XRCC6: variants seen among roughly 807,000 people sequenced by gnomAD.
XRCC6 encodes the protein DNA repair protein Ku70.
A neutral mutation model predicts 65.7 loss-of-function variants in XRCC6; 5 were observed. The observed-to-expected ratio is 0.08, with a 90% CI of 0.04 to 0.16. XRCC6 has a LOEUF of 0.16. XRCC6 is among the 10% of genes least tolerant of loss of function. XRCC6 has a pLI of 1.00. For missense variants in XRCC6, 447 were observed against 738.1 expected, an observed-to-expected ratio of 0.61 and a Z score of 4.57; for synonymous variants, 270 against 270.6, an observed-to-expected ratio of 1.00 and a Z score of 0.02.
intron 3 of XRCC6, among the ~76,000 whole-genome samples, chr22:41,632,455 A>G (rs1448507518): frequency 6.6e-6 from 1 of 151,978 alleles, no homozygotes; most frequent in African/African-American, 2.4e-5. Context: ...TACTCAAAAT[A>G]CAAAAATTAG....
intron 6 of XRCC6, among the ~76,000 whole-genome samples, chr22:41,638,932 T>A (rs1419829425): frequency 9.9e-5 from 15 of 152,202 alleles, no homozygotes; most frequent in Non-Finnish European, 2.1e-4. Context: ...TACTTTTATA[T>A]AACTGGCAGC....
chr22:41,663,254 A>G (rs2068115864), intron 12 of XRCC6, among the ~76,000 whole-genome samples: 1 of 152,112 alleles, frequency 6.6e-6, no homozygotes, highest in Non-Finnish European at 1.5e-5. Context: ...GCAGGTGCAC[A>G]CCACCATGGC....
intron 2 of XRCC6, among the ~76,000 whole-genome samples, chr22:41,622,615 CCT>C (rs1193174477): frequency 6.6e-6 from 1 of 152,014 alleles, no homozygotes; most frequent in Non-Finnish European, 1.5e-5. Context: ...TAATTTAACT[CCT>C]GAGCAGAAAA....
rs764989290 is a variant in XRCC6, at chr22:41,663,844, C to G, written c.*29C>G. ...GAGGCCGCGCGTCCAGCTGCCCTTC[C>G]GCAGTGTGGCCAGGCTGCCTGGCCT... is the stretch of plus-strand genomic sequence containing the variant. On this transcript the variant is annotated 3_prime_UTR_variant, in exon 13 of 13. Coordinates refer to ENST00000360079, the MANE Select transcript of XRCC6 (RefSeq NM_001469.5). The G allele has an allele frequency of 6.2e-7, 1 of 1,600,052 alleles. No individual in the cohort carries two copies. The highest frequency in any genetic ancestry group is 1.7e-5 in the Admixed American group (1 of 59,472).
intron 8 of XRCC6, among the ~76,000 whole-genome samples, chr22:41,651,461 A>G (rs111496683): frequency 0.071 from 8,932 of 125,508 alleles, 980 homozygotes; most frequent in African/African-American, 0.25. Context: ...GTGCAGTTTC[A>G]GCTCACTGCA....
At chr22:41,645,300 TA>T (rs993256489) in intron 6 of XRCC6, among the ~76,000 whole-genome samples, 36 of 136,872 alleles carry the variant, frequency 2.6e-4, no homozygotes, top group Middle Eastern at 3.6e-3. Flanking sequence ...ACTCCATCTT[TA>T]AAAAAAAAAA....
intron 8 of XRCC6, among the ~76,000 whole-genome samples, chr22:41,651,451 G>A (rs2067995761): frequency 8.7e-6 from 1 of 115,026 alleles, no homozygotes; most frequent in South Asian, 3.2e-4. Flanking sequence ...GAGTGCAGTG[G>A]TGCAGTTTCA....
At chr22:41,641,076 C>T (rs2067870302) in intron 6 of XRCC6, among the ~76,000 whole-genome samples, 1 of 151,978 alleles carries the variant, frequency 6.6e-6, no homozygotes, top group South Asian at 2.1e-4. Flanking sequence ...CCCTGTCTCT[C>T]TTTATTAAAA....
At chr22:41,657,385 TTAAG>T (rs1238857753) in intron 10 of XRCC6, among the ~76,000 whole-genome samples, 3 of 151,962 alleles carry the variant, frequency 2.0e-5, no homozygotes, top group African/African-American at 7.2e-5. Flanking sequence ...AAAAGAATGA[TTAAG>T]TAATTCAAGT....
chr22:41,638,687 A>G (rs2147087070), intron 6 of XRCC6, among the ~76,000 whole-genome samples: 1 of 148,364 alleles, frequency 6.7e-6, no homozygotes, highest in Non-Finnish European at 1.5e-5. Flanking sequence ...CAGGAGGCTG[A>G]GAATCGCTTG....
chr22:41,622,872 G>C (rs2147059419), intron 2 of XRCC6, among the ~76,000 whole-genome samples: 1 of 151,956 alleles, frequency 6.6e-6, no homozygotes, highest in South Asian at 2.1e-4. Flanking sequence ...GCGAACCTGG[G>C]AGGTGGAGCT....
chr22:41,652,632 C>T (rs931578319), intron 8 of XRCC6, among the ~76,000 whole-genome samples: 6 of 152,100 alleles, frequency 3.9e-5, no homozygotes, highest in African/African-American at 1.4e-4. Flanking sequence ...TCCCAGAGTG[C>T]TAGGACTGTA....
intron 8 of XRCC6, among the ~76,000 whole-genome samples, chr22:41,651,641 C>T (rs2067998685): frequency 1.3e-5 from 2 of 151,404 alleles, no homozygotes; most frequent in Admixed American, 6.6e-5. Flanking sequence ...GATTCTCCTT[C>T]CTCAGCCTCT....
intron 3 of XRCC6, among the ~76,000 whole-genome samples, chr22:41,631,618 G>A (rs2067752635): frequency 7.6e-6 from 1 of 131,446 alleles, no homozygotes; most frequent in African/African-American, 3.1e-5. Context: ...ATGGCGGCTG[G>A]GCAGAGACGC....
At chr22:41,632,445 T>C (rs2067765634) in intron 3 of XRCC6, among the ~76,000 whole-genome samples, 1 of 151,852 alleles carries the variant, frequency 6.6e-6, no homozygotes, top group Non-Finnish European at 1.5e-5. Flanking sequence ...ATTCTGTCTC[T>C]ACTCAAAATA....
chr22:41,635,008 A>T (rs2067794928), intron 3 of XRCC6, among the ~76,000 whole-genome samples: 1 of 152,224 alleles, frequency 6.6e-6, no homozygotes, highest in South Asian at 2.1e-4. Context: ...TTTTCAGGTC[A>T]CATGTACTTA....
In XRCC6 at chr22:41,636,576, A is replaced by C; in HGVS notation, c.395A>C (p.Gln132Pro). ...FKGQQGQKRF[Q>P]DMMGHGSDYS... is the part of the protein sequence containing the mutation. Reference sequence around the variant, plus strand: ...GGGCAGCAGGGACAAAAACGTTTCCAAGACATGATGGGCCACGGATCTGAC... The same window carrying C: ...GGGCAGCAGGGACAAAAACGTTTCCCAGACATGATGGGCCACGGATCTGAC... Residue 132 changes from glutamine (Q) to proline (P), a missense_variant, in exon 5 of 13, where the codon CAA becomes CCA. By Grantham distance (76) the Gln-to-Pro change is moderately conservative. Transcript: ENST00000360079. 2 of 1,613,986 alleles carry C rather than the reference A, an allele frequency of 1.2e-6. No homozygotes were observed. Among genetic ancestry groups the C allele is most frequent in the Non-Finnish European group, 1.7e-6 (2 of 1,179,904 alleles).
At chr22:41,649,115 G>A in intron 7 of XRCC6, among the ~76,000 whole-genome samples, 1 of 112,824 alleles carries the variant, frequency 8.9e-6, no homozygotes, top group Admixed American at 1.2e-4. Flanking sequence ...CACAGCCTGG[G>A]GAAGAGAGTA....
chr22:41,651,361 A>ATTTTTTTTTTTTTTTT (rs764795746), intron 8 of XRCC6, among the ~76,000 whole-genome samples: 2 of 49,756 alleles, frequency 4.0e-5, no homozygotes, highest in African/African-American at 6.2e-5. Context: ...AGTTAAACAG[A>ATTTTTTTTTTTTTTTT]TTTTTTTTTT....
Sources: gnomAD v4.1 joint callset for allele counts (sites outside exome capture counted in the v4.1 genomes callset) on GRCh38, gnomAD v4.1.1 for gene constraint, MANE v1.5 for transcripts, NCBI Gene and HGNC (gene_info 2026-07-23, HGNC 2026-07-21) for gene names.